The following TAF1B variants were observed in gnomAD, a reference collection of about 807,000 sequenced individuals.
The protein encoded by TAF1B is TATA box-binding protein-associated factor RNA polymerase I subunit B.
TAF1B carries 61 observed loss-of-function variants against 83.9 expected under a neutral mutation model. The ratio of observed to expected loss-of-function variants is 0.73; its 90% CI spans 0.59 to 0.90. The LOEUF (loss-of-function observed/expected upper bound fraction) is 0.90. Among genes scored for constraint, TAF1B ranks in the 40% least tolerant of loss-of-function variants. The pLI is 0.00. For missense variants in TAF1B, 625 were observed against 677.0 expected, an observed-to-expected ratio of 0.92 and a Z score of 0.85; for synonymous variants, 221 against 224.6, an observed-to-expected ratio of 0.98 and a Z score of 0.14.
At chr2:9,909,360 G>T (rs1245684090) in intron 9 of TAF1B, among the ~76,000 whole-genome samples, 1 of 152,226 alleles carries the variant, frequency 6.6e-6, no homozygotes, top group Non-Finnish European at 1.5e-5. Context: ...TATCATGTCT[G>T]TTCTTAGAGG....
intron 14 of TAF1B, among the ~76,000 whole-genome samples, chr2:9,932,174 C>A (rs1330682583): frequency 6.6e-6 from 1 of 152,208 alleles, no homozygotes; most frequent in East Asian, 1.9e-4. Context: ...TCTGTCAGCT[C>A]GTCAAAGTCA....
chr2:9,849,486 A>ATTC (rs1663315751), intron 3 of TAF1B, 26 bp downstream of exon 3: 1 of 1,459,108 alleles, frequency 6.9e-7, no homozygotes, highest in South Asian at 1.3e-5. Context: ...ATATGTACTT[A>ATTC]ACATTCTTTA....
chr2:9,860,638 CA>C (rs896513257), intron 5 of TAF1B, among the ~76,000 whole-genome samples: 24 of 152,052 alleles, frequency 1.6e-4, no homozygotes, highest in Admixed American at 1.0e-3. Context: ...GAGGAACTGG[CA>C]AAAAAATTCT....
intron 14 of TAF1B, 121 bp downstream of exon 14, chr2:9,919,941 C>A: frequency 1.1e-6 from 1 of 909,294 alleles, no homozygotes; most frequent in Non-Finnish European, 1.7e-6. Context: ...CAGAATTATA[C>A]ATTGAGTCTT....
At chr2:9,871,323 C>A (rs1664162291) in intron 6 of TAF1B, among the ~76,000 whole-genome samples, 1 of 152,160 alleles carries the variant, frequency 6.6e-6, no homozygotes, top group South Asian at 2.1e-4. Flanking sequence ...ACCTTGTGAT[C>A]TGCCCACCTC....
intron 8 of TAF1B, among the ~76,000 whole-genome samples, chr2:9,886,034 T>C (rs796989330): frequency 5.9e-5 from 9 of 152,274 alleles, no homozygotes; most frequent in African/African-American, 1.4e-4. Context: ...AGAAGAAATA[T>C]GACTTGGGAA....
chr2:9,915,799 A>G (rs1665665236), intron 12 of TAF1B, among the ~76,000 whole-genome samples: 2 of 152,244 alleles, frequency 1.3e-5, no homozygotes, highest in Admixed American at 6.5e-5. Flanking sequence ...GAATGTTTCT[A>G]ATGGTTTCAT....
intron 9 of TAF1B, among the ~76,000 whole-genome samples, chr2:9,910,356 A>G (rs1008495727): frequency 3.9e-5 from 6 of 152,232 alleles, no homozygotes; most frequent in Non-Finnish European, 7.3e-5. Flanking sequence ...TGTGCTAGCC[A>G]GGATGCCAGC....
At chr2:9,908,249 G>A (rs1665411887) in intron 9 of TAF1B, among the ~76,000 whole-genome samples, 1 of 150,956 alleles carries the variant, frequency 6.6e-6, no homozygotes, top group South Asian at 2.1e-4. Context: ...GTTTCACTGT[G>A]TTAGCCAGGA....
At chr2:9,846,481 A>G (rs1663211214) in intron 2 of TAF1B, among the ~76,000 whole-genome samples, 1 of 152,240 alleles carries the variant, frequency 6.6e-6, no homozygotes, top group Admixed American at 6.5e-5. Flanking sequence ...AGGCTTAAGA[A>G]AGGCAAATTT....
chr2:9,878,070 G>A (rs1664377724), intron 7 of TAF1B, among the ~76,000 whole-genome samples: 1 of 152,150 alleles, frequency 6.6e-6, no homozygotes, highest in Non-Finnish European at 1.5e-5. Context: ...TTCTCAAAAT[G>A]TGGCCTCCTG....
intron 5 of TAF1B, among the ~76,000 whole-genome samples, chr2:9,863,679 T>C (rs1448979694): frequency 6.6e-6 from 1 of 152,164 alleles, no homozygotes; most frequent in Non-Finnish European, 1.5e-5. Flanking sequence ...TATTCCAAAA[T>C]TGACCACATA....
At chr2:9,862,608 T>C (rs1663811471) in intron 5 of TAF1B, among the ~76,000 whole-genome samples, 1 of 151,930 alleles carries the variant, frequency 6.6e-6, no homozygotes, top group South Asian at 2.1e-4. Flanking sequence ...ACAAAGATAC[T>C]CCTCGAGAAG....
At chr2:9,909,169 G>A (rs548278540) in intron 9 of TAF1B, among the ~76,000 whole-genome samples, 2 of 152,122 alleles carry the variant, frequency 1.3e-5, no homozygotes, top group Non-Finnish European at 2.9e-5. Context: ...TATCATAAAC[G>A]TGTAATTAGT....
chr2:9,888,648 T>TA (rs1397957662), intron 8 of TAF1B, among the ~76,000 whole-genome samples: 4 of 152,090 alleles, frequency 2.6e-5, no homozygotes, highest in Non-Finnish European at 5.9e-5. Context: ...GTCAATCTGC[T>TA]ATAATTCTTA....
intron 9 of TAF1B, among the ~76,000 whole-genome samples, chr2:9,909,658 A>G (rs535323086): frequency 6.6e-6 from 1 of 152,234 alleles, no homozygotes; most frequent in African/African-American, 2.4e-5. Flanking sequence ...AAGGAGCAAC[A>G]GTGACGGGAA....
intron 5 of TAF1B, among the ~76,000 whole-genome samples, chr2:9,863,628 A>T (rs2125143173): frequency 6.6e-6 from 1 of 152,340 alleles, no homozygotes; most frequent in Non-Finnish European, 1.5e-5. Flanking sequence ...CTCCATCCTA[A>T]ATCAACAGAA....
intron 7 of TAF1B, among the ~76,000 whole-genome samples, chr2:9,882,379 T>C (rs1426745824): frequency 2.0e-5 from 3 of 152,194 alleles, no homozygotes; most frequent in Admixed American, 2.0e-4. Context: ...ATTACAGTTC[T>C]GAAACTCCAG....
intron 5 of TAF1B, among the ~76,000 whole-genome samples, chr2:9,857,337 G>A (rs1663595435): frequency 6.6e-6 from 1 of 152,194 alleles, no homozygotes; most frequent in Non-Finnish European, 1.5e-5. Flanking sequence ...AGAACTGGAG[G>A]TGATAAGTGA....
Sources: gnomAD v4.1 joint callset for allele counts (sites outside exome capture counted in the v4.1 genomes callset) on GRCh38, gnomAD v4.1.1 for gene constraint, MANE v1.5 for transcripts, NCBI Gene and HGNC (gene_info 2026-07-23, HGNC 2026-07-21) for gene names.